The following MEGF11 variants were observed in gnomAD, a reference collection of about 807,000 sequenced individuals.
MEGF11 encodes multiple epidermal growth factor-like domains protein 11.
MEGF11 carries 126 observed loss-of-function variants against 146.6 expected under a neutral mutation model. The observed-to-expected ratio is 0.86, with a 90% CI of 0.74 to 1.00. MEGF11 has a LOEUF of 1.00. Ranked by LOEUF, MEGF11 falls within the 50% of genes least tolerant of loss-of-function variation. The probability of loss-of-function intolerance (pLI) is 0.00; values close to 1 mark genes in which losing one functional copy is unlikely to be tolerated. For synonymous variants in MEGF11, 532 were observed against 583.4 expected, an observed-to-expected ratio of 0.91 and a Z score of 1.27; for missense variants, 1,509 against 1,521.2, an observed-to-expected ratio of 0.99 and a Z score of 0.13.
At chr15:66,216,099 T>C (rs559041298) in intron 1 of MEGF11, among the ~76,000 whole-genome samples, 1 of 152,178 alleles carries the variant, frequency 6.6e-6, no homozygotes, top group East Asian at 1.9e-4. Context: ...TAAAATAAAA[T>C]AAATTTGAAA....
At chr15:66,033,669 G>A (rs1283238120) in intron 5 of MEGF11, among the ~76,000 whole-genome samples, 2 of 152,336 alleles carry the variant, frequency 1.3e-5, no homozygotes, top group East Asian at 3.8e-4. Context: ...CTGAGGCCTT[G>A]GGGGCCCAAC....
At chr15:66,137,212 T>C (rs2088924960) in intron 1 of MEGF11, among the ~76,000 whole-genome samples, 1 of 152,218 alleles carries the variant, frequency 6.6e-6, no homozygotes, top group Non-Finnish European at 1.5e-5. Context: ...TGGTCATCTT[T>C]TGGGGAAGGG....
intron 1 of MEGF11, among the ~76,000 whole-genome samples, chr15:66,245,471 GA>G (rs5813388): frequency 1.6e-4 from 24 of 148,446 alleles, no homozygotes; most frequent in African/African-American, 5.7e-4. Context: ...TGTAAAAAAA[GA>G]AAAAAAAAAA....
intron 5 of MEGF11, among the ~76,000 whole-genome samples, chr15:66,056,051 G>A (rs12148233): frequency 0.058 from 8,800 of 152,210 alleles, 358 homozygotes; most frequent in Middle Eastern, 0.099. Flanking sequence ...ATATGTGAGC[G>A]TGTTAGAAAT....
At chr15:66,043,875 A>G (rs1420539754) in intron 5 of MEGF11, among the ~76,000 whole-genome samples, 1 of 152,282 alleles carries the variant, frequency 6.6e-6, no homozygotes, top group Non-Finnish European at 1.5e-5. Context: ...TTACAGATCA[A>G]CCAGCACGAT....
chr15:66,078,410 C>A (rs115500770), intron 5 of MEGF11, among the ~76,000 whole-genome samples: 1 of 152,192 alleles, frequency 6.6e-6, no homozygotes, highest in African/African-American at 2.4e-5. Context: ...CTGGACTTCC[C>A]GGGCCTCGGC....
intron 1 of MEGF11, among the ~76,000 whole-genome samples, chr15:66,215,787 G>A (rs929878842): frequency 4.6e-5 from 7 of 152,224 alleles, no homozygotes; most frequent in African/African-American, 1.7e-4. Context: ...TCCACTGGCA[G>A]GAGGGAATGA....
At chr15:66,229,079 C>G (rs957208678) in intron 1 of MEGF11, among the ~76,000 whole-genome samples, 2 of 152,164 alleles carry the variant, frequency 1.3e-5, no homozygotes, top group African/African-American at 4.8e-5. Flanking sequence ...TTATTAAGCA[C>G]TCATCAAATT....
chr15:66,178,359 C>T (rs1471559912), intron 1 of MEGF11, among the ~76,000 whole-genome samples: 1 of 152,164 alleles, frequency 6.6e-6, no homozygotes, highest in African/African-American at 2.4e-5. Context: ...GAGCGCTGGG[C>T]AGTTGTCCAG....
At chr15:66,031,817 C>T (rs967014931) in intron 5 of MEGF11, among the ~76,000 whole-genome samples, 2 of 152,136 alleles carry the variant, frequency 1.3e-5, no homozygotes, top group Non-Finnish European at 2.9e-5. Context: ...CCTCTGCCCT[C>T]GTGAATGGAT....
chr15:66,000,757 G>A lies in MEGF11; in HGVS notation c.395-18269C>T, dbSNP rs183624770. Among the ~76,000 whole-genome samples the A allele has an allele frequency of 3.7e-3, 561 of 152,306 alleles. 4 individuals are homozygous for A. Among genetic ancestry groups the A allele is most frequent in the African/African-American group, 0.013 (524 of 41,552 alleles). On this transcript the variant is annotated intron_variant, in intron 5 of 25. Coordinates refer to ENST00000395614, the MANE Select transcript of MEGF11 (RefSeq NM_001385028.1). ...CCTCAGGTCTTCACAACCTAGAGTG[G>A]AGAGACGGAGACACTATTCCACAAG...
intron 2 of MEGF11, 132 bp from the exon 3 acceptor site, chr15:66,124,132 C>G (rs12912920): frequency 0.055 from 38,205 of 695,042 alleles, 1,224 homozygotes; most frequent in Middle Eastern, 0.069. Flanking sequence ...TGACCTCCCC[C>G]CTCCCAACTA....
intron 1 of MEGF11, among the ~76,000 whole-genome samples, chr15:66,159,336 C>G (rs1470238979): frequency 6.6e-6 from 1 of 152,194 alleles, no homozygotes; most frequent in African/African-American, 2.4e-5. Context: ...TTTTCCTTCC[C>G]CTCCTCTACT....
At position 66,020,658 on chromosome 15, in the gene MEGF11, T is replaced by C. The variant is rs185651074; in HGVS notation, c.395-38170A>G. Among the ~76,000 whole-genome samples, 311 of 152,318 alleles carry C rather than the reference T, an allele frequency of 2.0e-3. 13 individuals carry two copies. In the East Asian group the frequency reaches 0.051, roughly 25 times the overall value. ...TGAAAGAAATGGTGAGACTTCCTGC[T>C]GGCTGGTCCCAATTCCCTCACTCCT... On this transcript the variant is annotated intron_variant, in intron 5 of 25. Transcript: ENST00000395614.
intron 1 of MEGF11, among the ~76,000 whole-genome samples, chr15:66,160,248 T>C (rs916618611): frequency 8.5e-6 from 1 of 117,298 alleles, no homozygotes; most frequent in African/African-American, 3.3e-5. Context: ...AAGCCCTCTC[T>C]CTCTCTCTCT....
In MEGF11 at chr15:66,218,354, C is replaced by T. The variant is rs2091639801; in HGVS notation, c.-9+35251G>A. ...AAACGCTGCCAACACACCCGCATGC[C>T]AGGGCAGGGCTCATGGGGCCTGCAA... On this transcript the variant is annotated intron_variant, in intron 1 of 25. Transcript: ENST00000395614. Among the ~76,000 whole-genome samples the T allele has an allele frequency of 2.0e-5, 3 of 152,314 alleles. No homozygotes were observed. The South Asian group carries it at 6.2e-4, about 32-fold the overall frequency.
At chr15:66,211,259 C>G (rs189024944) in intron 1 of MEGF11, among the ~76,000 whole-genome samples, 101 of 152,334 alleles carry the variant, frequency 6.6e-4, no homozygotes, top group Middle Eastern at 3.4e-3. Flanking sequence ...CTTGGTGGCT[C>G]ACGCCTGTAA....
At chr15:66,099,968 G>T (rs1343204028) in intron 4 of MEGF11, among the ~76,000 whole-genome samples, 1 of 152,148 alleles carries the variant, frequency 6.6e-6, no homozygotes, top group African/African-American at 2.4e-5. Context: ...GGCAGCACTG[G>T]GCATAGCCCT....
chr15:66,209,740 T>A (rs1023156030), intron 1 of MEGF11, among the ~76,000 whole-genome samples: 28 of 152,284 alleles, frequency 1.8e-4, no homozygotes, highest in African/African-American at 6.3e-4. Context: ...AGATTAGTGG[T>A]TGCCTGGGGT....
Sources: allele counts gnomAD v4.1 joint callset (sites outside exome capture counted in the v4.1 genomes callset), GRCh38; gene constraint gnomAD v4.1.1; transcripts MANE v1.5; gene names NCBI Gene and HGNC (gene_info 2026-07-23, HGNC 2026-07-21).